Variants in DLGAP1 observed in about 807,000 individuals in gnomAD.
DLGAP1 encodes the protein disks large-associated protein 1.
DLGAP1 carries 11 observed loss-of-function variants against 90.8 expected under a neutral mutation model. The ratio of observed to expected loss-of-function variants is 0.12; its 90% CI spans 0.08 to 0.20. The LOEUF (loss-of-function observed/expected upper bound fraction) is 0.20, where lower values mean the gene tolerates loss of function less well. Among genes scored for constraint, DLGAP1 ranks in the 10% least tolerant of loss-of-function variants. DLGAP1 has a pLI of 1.00. For synonymous variants in DLGAP1, 558 were observed against 540.7 expected (o/e 1.03, Z -0.44); for missense variants, 1,050 against 1,333.8 (o/e 0.79, Z 3.31).
At chr18:3,689,058 CT>C (rs1332396720) in intron 7 of DLGAP1, among the ~76,000 whole-genome samples, 2 of 152,220 alleles carry the variant, frequency 1.3e-5, no homozygotes, top group Admixed American at 6.5e-5. Flanking sequence ...GGCCCTACCC[CT>C]GTGCTCTGTC....
chr18:4,072,976 T>C (rs2075471594), intron 2 of DLGAP1, among the ~76,000 whole-genome samples: 1 of 152,144 alleles, frequency 6.6e-6, no homozygotes. Flanking sequence ...GTAAGTCTAC[T>C]TGGATTTAGA....
In DLGAP1 at chr18:3,926,706, G is replaced by A. The variant is rs756042398; in HGVS notation, c.-72-46566C>T. Among the ~76,000 whole-genome samples the A allele has an allele frequency of 3.4e-4, 52 of 151,930 alleles. No homozygotes were observed. In the Middle Eastern group the frequency reaches 0.01, roughly 30 times the overall value. On this transcript the variant is annotated intron_variant, in intron 3 of 12. Transcript: ENST00000315677. Reference sequence around the variant, plus strand: ...GATGTGTCTGCATGTATGTATATACGTACATATTCACATATTTCCTAGATC... The same window carrying A: ...GATGTGTCTGCATGTATGTATATACATACATATTCACATATTTCCTAGATC...
chr18:4,246,895 T>C (rs1251743062), intron 1 of DLGAP1, among the ~76,000 whole-genome samples: 4 of 152,174 alleles, frequency 2.6e-5, no homozygotes, highest in Non-Finnish European at 5.9e-5. Context: ...CGAGAGAGAA[T>C]GGGAATAAGA....
intron 10 of DLGAP1, among the ~76,000 whole-genome samples, chr18:3,524,935 T>C (rs772311620): frequency 1.3e-5 from 2 of 152,308 alleles, no homozygotes; most frequent in South Asian, 2.1e-4. Context: ...TCTGTTTCAT[T>C]CCTGACTGGC....
At chr18:3,603,631 C>T (rs558139085) in intron 7 of DLGAP1, 1 of 154,234 alleles carries the variant, frequency 6.5e-6, no homozygotes, top group African/African-American at 2.4e-5. Context: ...GTTACAATCA[C>T]ACCAAGTGAC....
At chr18:4,404,568 T>C (rs1014064036) in intron 1 of DLGAP1, among the ~76,000 whole-genome samples, 1 of 152,214 alleles carries the variant, frequency 6.6e-6, no homozygotes, top group Non-Finnish European at 1.5e-5. Context: ...TAATTTACTC[T>C]TACATACATT....
chr18:4,038,752 G>A (rs967238264), intron 2 of DLGAP1, among the ~76,000 whole-genome samples: 4 of 152,046 alleles, frequency 2.6e-5, no homozygotes, highest in South Asian at 2.1e-4. Flanking sequence ...TGCCTCTGAG[G>A]TTGGACAGGG....
chr18:3,986,437 G>T (rs1370859618), intron 3 of DLGAP1: 1 of 151,430 alleles, frequency 6.6e-6, no homozygotes, highest in Non-Finnish European at 1.5e-5. Flanking sequence ...TTAAAGATGG[G>T]GTCTTGCCAT....
intron 1 of DLGAP1, among the ~76,000 whole-genome samples, chr18:4,269,585 A>C (rs911180473): frequency 6.6e-6 from 1 of 151,932 alleles, no homozygotes; most frequent in Non-Finnish European, 1.5e-5. Flanking sequence ...CGATCTCCTG[A>C]CCTTGTGATC....
intron 5 of DLGAP1, among the ~76,000 whole-genome samples, chr18:3,756,849 T>A (rs2063737296): frequency 6.6e-6 from 1 of 151,512 alleles, no homozygotes; most frequent in Non-Finnish European, 1.5e-5. Flanking sequence ...AGAAAAAAAT[T>A]CTAAAAAAAC....
At chr18:3,758,394 G>A (rs138926970) in intron 5 of DLGAP1, among the ~76,000 whole-genome samples, 279 of 152,268 alleles carry the variant, frequency 1.8e-3, no homozygotes, top group African/African-American at 6.4e-3. Context: ...TTTCTATGAA[G>A]CTATAATAAC....
intron 7 of DLGAP1, among the ~76,000 whole-genome samples, chr18:3,713,505 T>C (rs558524835): frequency 6.6e-6 from 1 of 152,226 alleles, no homozygotes; most frequent in Non-Finnish European, 1.5e-5. Flanking sequence ...GGCTTGTTAG[T>C]AGTTAGAAGA....
chr18:3,880,154 GA>G lies in DLGAP1; in HGVS notation c.-72-15del, dbSNP rs2071117183. On this transcript the variant is annotated splice_polypyrimidine_tract_variant and intron_variant, in intron 3 of 12. Coordinates refer to ENST00000315677, the MANE Select transcript of DLGAP1 (RefSeq NM_004746.4). ...TTGGGCAGGGATCTGGGGGAATGAAGAAAAGGGCAAAGTCGTTAACATTTCT... is the reference window on the plus strand; with the variant it reads ...TTGGGCAGGGATCTGGGGGAATGAAGAAAGGGCAAAGTCGTTAACATTTCT... The G allele has an allele frequency of 3.2e-6, 4 of 1,240,774 alleles. No homozygotes were observed. Among genetic ancestry groups the G allele is most frequent in the Admixed American group, 3.7e-5 (2 of 53,668 alleles). The allele number at this position is 1,240,774 out of a possible 1,614,324, so 76.9% of individuals were successfully genotyped here.
chr18:3,892,550 A>G (rs2071498463), intron 3 of DLGAP1, among the ~76,000 whole-genome samples: 3 of 152,218 alleles, frequency 2.0e-5, no homozygotes, highest in African/African-American at 7.2e-5. Flanking sequence ...TAAAGGAATC[A>G]TGGAGATGAT....
At chr18:3,908,203 G>A (rs915105282) in intron 3 of DLGAP1, among the ~76,000 whole-genome samples, 43 of 152,088 alleles carry the variant, frequency 2.8e-4, no homozygotes, top group African/African-American at 9.9e-4. Flanking sequence ...TGGCTCATGG[G>A]CAAAATGAGA....
chr18:4,354,887 C>CAAAAA (rs60379984), intron 1 of DLGAP1, among the ~76,000 whole-genome samples: 3 of 23,874 alleles, frequency 1.3e-4, no homozygotes, highest in Admixed American at 8.2e-4. Flanking sequence ...TTACTCTCAC[C>CAAAAA]AAAAAAAAAA....
At chr18:3,558,481 C>T (rs1027127733) in intron 9 of DLGAP1, among the ~76,000 whole-genome samples, 5 of 152,172 alleles carry the variant, frequency 3.3e-5, no homozygotes, top group African/African-American at 1.2e-4. Flanking sequence ...GATCCGCCCA[C>T]CTTGGCCTCC....
intron 2 of DLGAP1, among the ~76,000 whole-genome samples, chr18:4,111,212 A>G (rs1472342713): frequency 6.6e-6 from 1 of 152,114 alleles, no homozygotes; most frequent in Non-Finnish European, 1.5e-5. Context: ...GTATTACATT[A>G]TTTGAGTTTT....
chr18:3,583,176 A>ACCTTCCTTCCTT (rs1198815501), intron 7 of DLGAP1, among the ~76,000 whole-genome samples: 194 of 131,998 alleles, frequency 1.5e-3, no homozygotes, highest in African/African-American at 5.8e-3. Context: ...CTACCTACCT[A>ACCTTCCTTCCTT]CCTACCTACC....
Sources: gnomAD v4.1 joint callset for allele counts (sites outside exome capture counted in the v4.1 genomes callset) on GRCh38, gnomAD v4.1.1 for gene constraint, MANE v1.5 for transcripts, NCBI Gene and HGNC (gene_info 2026-07-23, HGNC 2026-07-21) for gene names.